The following MPDZ variants were observed in gnomAD, a reference collection of about 807,000 sequenced individuals.
MPDZ encodes the protein multiple PDZ domain protein.
A neutral mutation model predicts 239.1 loss-of-function variants in MPDZ; 234 were observed. The observed-to-expected ratio is 0.98, with a 90% CI of 0.88 to 1.09. The LOEUF (loss-of-function observed/expected upper bound fraction) is 1.09. MPDZ is among the 50% of genes least tolerant of loss of function. The probability of loss-of-function intolerance (pLI) is 0.00; values close to 1 mark genes in which losing one functional copy is unlikely to be tolerated. For synonymous variants in MPDZ, 1,048 were observed against 881.3 expected, an observed-to-expected ratio of 1.19 and a Z score of -3.35; for missense variants, 3,175 against 2,510.0, an observed-to-expected ratio of 1.26 and a Z score of -5.66.
At chr9:13,112,198 C>T in intron 42 of MPDZ, 52 bp from the exon 43 acceptor site, 2 of 1,533,552 alleles carry the variant, frequency 1.3e-6, no homozygotes, top group Admixed American at 1.9e-5. Context: ...TTTCATTGAC[C>T]TTTTGTTTAT....
Position 13,175,770 on chromosome 9 carries a change from T to C in MPDZ, c.3037A>G (p.Lys1013Glu), listed in dbSNP as rs2134170574. ...AACTTACCTAGGCTAGAATTGCCTT[T>C]TGCTATATTAATAGTCCTTTCAAAA... ...ESFERTINIAKGNSSLGMTVS... is the reference protein window; with the variant it reads ...ESFERTINIAEGNSSLGMTVS... The change falls in exon 21 of 47, where the codon AAA (lysine) becomes GAA (glutamate). Residue 1013 changes from lysine to glutamate, a missense_variant. Coordinates refer to ENST00000319217, the MANE Select transcript of MPDZ (RefSeq NM_001378778.1). The C allele has an allele frequency of 6.4e-7, 1 of 1,570,458 alleles. No homozygotes were observed. Among genetic ancestry groups the C allele is most frequent in the East Asian group, 2.3e-5 (1 of 43,146 alleles).
intron 10 of MPDZ, among the ~76,000 whole-genome samples, chr9:13,213,738 A>G (rs1410686868): frequency 6.6e-6 from 1 of 152,092 alleles, no homozygotes; most frequent in African/African-American, 2.4e-5. Flanking sequence ...CCACCTTTGC[A>G]TCAACAATTT....
Position 13,122,171 on chromosome 9 carries a change from C to G in MPDZ, c.4954-1G>C. On this transcript the variant is annotated splice_acceptor_variant, in intron 36 of 46. Coordinates refer to ENST00000319217, the MANE Select transcript of MPDZ (RefSeq NM_001378778.1). LOFTEE classifies it high-confidence loss of function. ...AAACTTCATGGATAATAATGGCACC[C>G]TAAGGGCCCAAACAAAACATACCCA... The G allele has an allele frequency of 6.2e-7, 1 of 1,613,746 alleles. No individual in the cohort carries two copies.
chr9:13,279,195 C>G (rs530559964), intron 1 of MPDZ: 1 of 147,778 alleles, frequency 6.8e-6, no homozygotes, highest in Non-Finnish European at 1.5e-5. Flanking sequence ...AGCGCCGGGC[C>G]GCGCGGGGTG....
At chr9:13,163,843 T>G (rs1950745133) in intron 22 of MPDZ, among the ~76,000 whole-genome samples, 1 of 152,172 alleles carries the variant, frequency 6.6e-6, no homozygotes, top group Non-Finnish European at 1.5e-5. Context: ...ATGTCATAAT[T>G]TACTGAAAGA....
intron 24 of MPDZ, among the ~76,000 whole-genome samples, chr9:13,155,750 T>C (rs1008634901): frequency 1.3e-5 from 2 of 152,218 alleles, no homozygotes; most frequent in African/African-American, 4.8e-5. Context: ...CTATGAACCA[T>C]GTTCACAACA....
Position 13,215,753 on chromosome 9 carries a change from G to GTTTTTTTTTTTTTTTT in MPDZ, c.1290+1005_1290+1020dup, listed in dbSNP as rs56281339. ...AGATAAACAGGTTTCTCTATTGCAGGTTTTTTTTTTTTTTTTTTTTTGTCT... is the reference window on the plus strand; with the variant it reads ...AGATAAACAGGTTTCTCTATTGCAGGTTTTTTTTTTTTTTTTTTTTTTTTTTTTTTTTTTTTTGTCT... On this transcript the variant is annotated intron_variant, in intron 10 of 46. Coordinates refer to ENST00000319217, the MANE Select transcript of MPDZ (RefSeq NM_001378778.1). 1.1e-3 allele frequency among the ~76,000 whole-genome samples: 96 copies of GTTTTTTTTTTTTTTTT among 89,044 alleles called. 1 individual carries two copies. Among genetic ancestry groups the GTTTTTTTTTTTTTTTT allele is most frequent in the Non-Finnish European group, 1.4e-3 (72 of 50,136 alleles). 58.4% of individuals were successfully genotyped at this position (89,044 alleles called of 152,430 possible).
At chr9:13,225,012 C>A (rs1014475269) in intron 3 of MPDZ, among the ~76,000 whole-genome samples, 4 of 152,076 alleles carry the variant, frequency 2.6e-5, no homozygotes, top group African/African-American at 9.7e-5. Flanking sequence ...ATGATATAAG[C>A]CCAAACTCGG....
intron 24 of MPDZ, among the ~76,000 whole-genome samples, chr9:13,152,362 T>C (rs943774010): frequency 2.6e-5 from 4 of 152,140 alleles, no homozygotes; most frequent in Non-Finnish European, 4.4e-5. Context: ...CCACGTATTG[T>C]TGGTGGGACC....
intron 1 of MPDZ, among the ~76,000 whole-genome samples, chr9:13,256,778 T>C (rs1358282642): frequency 6.6e-6 from 1 of 152,102 alleles, no homozygotes; most frequent in Non-Finnish European, 1.5e-5. Flanking sequence ...CATGAAATAT[T>C]ATAAGAATTA....
In MPDZ at chr9:13,106,894, C is replaced by G; in HGVS notation, c.*71G>C. On this transcript the variant is annotated 3_prime_UTR_variant, in exon 47 of 47. Transcript: ENST00000319217. ...CGGCTGAACACAGCATAAAAATTGT[C>G]AGGACCAGTGCATTCTCTTTACAGT... is the stretch of plus-strand genomic sequence containing the variant. 6.6e-7 allele frequency: 1 copy of G among 1,515,450 alleles called. No individual in the cohort carries two copies. Among genetic ancestry groups the G allele is most frequent in the South Asian group, 1.3e-5 (1 of 78,764 alleles). The allele number at this position is 1,515,450 out of a possible 1,614,324, so 93.9% of individuals were successfully genotyped here.
At chr9:13,119,075 A>C (rs889711144) in intron 39 of MPDZ, among the ~76,000 whole-genome samples, 1 of 152,212 alleles carries the variant, frequency 6.6e-6, no homozygotes, top group African/African-American at 2.4e-5. Context: ...TGGAACATAA[A>C]TGATAAAATC....
chr9:13,190,783 C>T (rs1381890636), intron 15 of MPDZ, among the ~76,000 whole-genome samples: 1 of 152,132 alleles, frequency 6.6e-6, no homozygotes, highest in Non-Finnish European at 1.5e-5. Flanking sequence ...AATTAACATA[C>T]ACAGTGGCAA....
intron 22 of MPDZ, chr9:13,165,303 A>C (rs1224265687): frequency 8.6e-6 from 13 of 1,517,184 alleles, no homozygotes; most frequent in Non-Finnish European, 1.2e-5. Context: ...AAAAGCACAA[A>C]ATTGTTTTCA....
In MPDZ at chr9:13,219,645, C is replaced by A; in HGVS notation, c.1000G>T (p.Ala334Ser). ...QCGNRVKLMI[A>S]RGAIEERTAP... ...GTACGTTCTTCTATGGCACCTCTTG[C>A]AATCATCAACTTAACTCTATTTCCA... The change falls in exon 8 of 47, where the codon GCA becomes TCA. Residue 334 changes from alanine to serine, a missense_variant. Transcript: ENST00000319217. 1 of 1,612,678 alleles carries A rather than the reference C, an allele frequency of 6.2e-7. No homozygotes were observed. Among genetic ancestry groups the A allele is most frequent in the African/African-American group, 1.3e-5 (1 of 74,960 alleles).
chr9:13,183,264 A>G (rs930964114), intron 19 of MPDZ, among the ~76,000 whole-genome samples, 154 bp downstream of exon 19: 16 of 152,070 alleles, frequency 1.1e-4, no homozygotes, highest in African/African-American at 3.9e-4. Flanking sequence ...AACATTAGCT[A>G]AATGAAATTG....
chr9:13,149,729 A>G (rs928933057), intron 25 of MPDZ, among the ~76,000 whole-genome samples: 23 of 152,044 alleles, frequency 1.5e-4, no homozygotes, highest in Non-Finnish European at 3.2e-4. Flanking sequence ...TTATGAGAGG[A>G]GAGTCTATTT....
Position 13,113,970 on chromosome 9 carries a change from T to C in MPDZ, c.5518A>G (p.Thr1840Ala). 1 of 1,598,994 alleles carries C rather than the reference T, an allele frequency of 6.3e-7. No individual in the cohort carries two copies. The highest frequency in any genetic ancestry group is 2.2e-5 in the East Asian group (1 of 44,580). ...SFTFPLSGSS[T>A]SESLESSSKK... ...GAGCTACTTTCCAGTGACTCAGATG[T>C]ACTGGATCCAGAGAGTGGAAAAGTG... The change falls in exon 41 of 47, where the codon ACA (threonine) becomes GCA (alanine). Residue 1840 changes from threonine to alanine, a missense_variant. Coordinates refer to ENST00000319217, the MANE Select transcript of MPDZ (RefSeq NM_001378778.1).
In MPDZ at chr9:13,241,334, G is replaced by C. The variant is rs559956985; in HGVS notation, c.183+6301C>G. ...GTAAAACTATTTCAGGTGTAAGAAA[G>C]ATCATTTTCATTTTCACAAGTAACA... On this transcript the variant is annotated intron_variant, in intron 3 of 46. Coordinates refer to ENST00000319217, the MANE Select transcript of MPDZ (RefSeq NM_001378778.1). Among the ~76,000 whole-genome samples the C allele has an allele frequency of 2.0e-5, 3 of 152,232 alleles. No homozygotes were observed. In the East Asian group the frequency reaches 5.8e-4, roughly 29 times the overall value.
Sources: gnomAD v4.1 joint callset for allele counts (sites outside exome capture counted in the v4.1 genomes callset) on GRCh38, gnomAD v4.1.1 for gene constraint, MANE v1.5 for transcripts, NCBI Gene and HGNC (gene_info 2026-07-23, HGNC 2026-07-21) for gene names.